Variants in COL5A2 observed in about 807,000 individuals in gnomAD.
The protein encoded by COL5A2 is collagen alpha-2(V) chain.
COL5A2 carries 23 observed loss-of-function variants against 208.2 expected under a neutral mutation model. The observed-to-expected ratio is 0.11, with a 90% CI of 0.08 to 0.16. The LOEUF is 0.16. Among genes scored for constraint, COL5A2 ranks in the 10% least tolerant of loss-of-function variants. The pLI, the probability that COL5A2 is intolerant of heterozygous loss-of-function variation, is 1.00. For missense variants in COL5A2, 1,590 were observed against 1,956.4 expected (o/e 0.81, Z 3.53); for synonymous variants, 625 against 628.5 (o/e 0.99, Z 0.08).
At chr2:189,270,594 T>A in the COL5A2 span, among the ~76,000 whole-genome samples, 1 of 152,280 alleles carries the variant, frequency 6.6e-6, no homozygotes, top group South Asian at 2.1e-4. Context: ...TGACAGACTG[T>A]TTGTTACGAC....
the COL5A2 span, among the ~76,000 whole-genome samples, chr2:189,273,088 A>G: frequency 6.6e-6 from 1 of 152,158 alleles, no homozygotes; most frequent in East Asian, 1.9e-4. Context: ...CTGATCCCTA[A>G]CAATATATGA....
chr2:189,147,575 T>C (rs1364451396), intron 1 of COL5A2, among the ~76,000 whole-genome samples: 1 of 152,146 alleles, frequency 6.6e-6, no homozygotes, highest in South Asian at 2.1e-4. Flanking sequence ...GAAGATTGAA[T>C]CACCATGGGA....
the COL5A2 span, among the ~76,000 whole-genome samples, chr2:189,337,221 C>T: frequency 3.5e-5 from 5 of 142,508 alleles, no homozygotes; most frequent in East Asian, 8.2e-4. Context: ...CTCGCTCTGT[C>T]GCCCAGGCTG....
At chr2:189,351,784 A>G in the COL5A2 span, among the ~76,000 whole-genome samples, 1 of 152,160 alleles carries the variant, frequency 6.6e-6, no homozygotes, top group South Asian at 2.1e-4. Context: ...CTAGATTCCA[A>G]AACCATGGAT....
rs77456219 is a variant in COL5A2, at chr2:189,064,662, C to T, written c.1618-7G>A. Reference sequence around the variant, plus strand: ...CCCGTTCTCCTTGAGCACCCTGTACCGAGGCAAAGCAGATGCATGAAGAAA... The same window carrying T: ...CCCGTTCTCCTTGAGCACCCTGTACTGAGGCAAAGCAGATGCATGAAGAAA... On this transcript the variant is annotated splice_polypyrimidine_tract_variant and splice_region_variant and intron_variant, in intron 24 of 53. Coordinates refer to ENST00000374866, the MANE Select transcript of COL5A2 (RefSeq NM_000393.5). 1.3e-5 allele frequency: 21 copies of T among 1,595,212 alleles called. No individual in the cohort carries two copies. The highest frequency in any genetic ancestry group is 3.3e-5 in the Admixed American group (2 of 59,916).
the COL5A2 span, among the ~76,000 whole-genome samples, chr2:189,393,885 T>C: frequency 6.6e-6 from 1 of 152,176 alleles, no homozygotes; most frequent in Non-Finnish European, 1.5e-5. Context: ...TTCGCCACAA[T>C]AGTTTCCAGC....
Position 189,057,397 on chromosome 2 carries a change from C to G in COL5A2, c.2260G>C (p.Asp754His). The G allele has an allele frequency of 6.2e-7, 1 of 1,611,062 alleles. No individual in the cohort carries two copies. Among genetic ancestry groups the G allele is most frequent in the Non-Finnish European group, 8.5e-7 (1 of 1,178,560 alleles). The change falls in exon 34 of 54, where the codon GAT (aspartate) becomes CAT (histidine). Residue 754 changes from aspartate (D) to histidine (H), a missense_variant. Asp to His is a moderately conservative substitution (Grantham distance 81). Coordinates refer to ENST00000374866, the MANE Select transcript of COL5A2 (RefSeq NM_000393.5). ...GSPGPSGTPG[D>H]TGPPGLQGMP... ...CCTTGAAGACCTGGTGGGCCTGTAT[C>G]TCCAGGGGTCCCAGATGGACCTGGA...
At chr2:189,313,956 G>C in the COL5A2 span, among the ~76,000 whole-genome samples, 1 of 152,132 alleles carries the variant, frequency 6.6e-6, no homozygotes, top group Non-Finnish European at 1.5e-5. Context: ...AGTTCTCAGA[G>C]ACCTTCAGAG....
At chr2:189,083,182 G>A (rs1387981141) in intron 12 of COL5A2, among the ~76,000 whole-genome samples, 3 of 152,124 alleles carry the variant, frequency 2.0e-5, no homozygotes, top group Non-Finnish European at 4.4e-5. Context: ...CAAGAAGTAG[G>A]AATGTTTGAA....
chr2:189,075,338 A>C, intron 17 of COL5A2, 55 bp downstream of exon 17: 2 of 1,290,006 alleles, frequency 1.6e-6, no homozygotes, highest in Non-Finnish European at 2.3e-6. Flanking sequence ...TGAATGTACA[A>C]ATGGAAGAAT....
chr2:189,249,287 T>C, the COL5A2 span, among the ~76,000 whole-genome samples: 1 of 152,278 alleles, frequency 6.6e-6, no homozygotes, highest in South Asian at 2.1e-4. Context: ...TTTTAAGCAA[T>C]GAACCTATCA....
intron 1 of COL5A2, among the ~76,000 whole-genome samples, chr2:189,196,921 A>G (rs1038705000): frequency 2.0e-5 from 3 of 152,192 alleles, no homozygotes; most frequent in Non-Finnish European, 4.4e-5. Context: ...CAGAAATACC[A>G]TTTGACCCAG....
Position 189,061,609 on chromosome 2 carries a change from C to T in COL5A2, c.1984G>A (p.Ala662Thr). The T allele has an allele frequency of 6.2e-7, 1 of 1,612,570 alleles. No individual in the cohort carries two copies. The highest frequency in any genetic ancestry group is 8.5e-7 in the Non-Finnish European group (1 of 1,178,850). The change falls in exon 30 of 54, where the codon GCT becomes ACT. Residue 662 changes from alanine (A) to threonine (T), a missense_variant. Coordinates refer to ENST00000374866, the MANE Select transcript of COL5A2 (RefSeq NM_000393.5). Reference sequence around the variant, plus strand: ...GGTCCTTGTTCTCCTCTTTCACCAGCTAGACCCTAAGTTGTGAAGGAGAAA... The same window carrying T: ...GGTCCTTGTTCTCCTCTTTCACCAGTTAGACCCTAAGTTGTGAAGGAGAAA... Reference protein sequence around the residue: ...PSGPVGPPGLAGERGEQGPPG... With the variant: ...PSGPVGPPGLTGERGEQGPPG...
the COL5A2 span, among the ~76,000 whole-genome samples, chr2:189,331,848 G>A: frequency 2.0e-5 from 3 of 151,904 alleles, no homozygotes; most frequent in African/African-American, 7.3e-5. Context: ...TACTCGGGAG[G>A]CCGGGGCAGG....
intron 17 of COL5A2, 81 bp downstream of exon 17, chr2:189,075,312 G>T: frequency 1.0e-6 from 1 of 991,218 alleles, no homozygotes; most frequent in Non-Finnish European, 1.6e-6. Flanking sequence ...TGTGGTGAGT[G>T]CTCTGTAAAT....
chr2:189,105,841 T>C (rs1328100595), intron 2 of COL5A2, among the ~76,000 whole-genome samples: 1 of 151,476 alleles, frequency 6.6e-6, no homozygotes, highest in Non-Finnish European at 1.5e-5. Context: ...AGAATATATT[T>C]TTATTATTCA....
intron 1 of COL5A2, among the ~76,000 whole-genome samples, chr2:189,222,613 C>T (rs1324885047): frequency 6.6e-6 from 1 of 152,044 alleles, no homozygotes; most frequent in Non-Finnish European, 1.5e-5. Context: ...CGGGTAATTT[C>T]CTTCTTAGGC....
chr2:189,063,408 C>T, intron 26 of COL5A2, 138 bp from the exon 27 acceptor site: 1 of 746,280 alleles, frequency 1.3e-6, no homozygotes, highest in Non-Finnish European at 2.3e-6. Flanking sequence ...AGAATCAGGA[C>T]AGTTGAATGG....
In COL5A2 at chr2:189,080,044, A is replaced by G; in HGVS notation, c.907-13T>C. 1 of 1,609,592 alleles carries G rather than the reference A, an allele frequency of 6.2e-7. No homozygotes were observed. Among genetic ancestry groups the G allele is most frequent in the South Asian group, 1.1e-5 (1 of 90,964 alleles). The stretch of plus-strand genomic sequence containing the variant: ...GACCTTTGTGTCCCTGAGAATAAAA[A>G]TGTAAATTTGTATTTGTATCCTGTT... On this transcript the variant is annotated splice_polypyrimidine_tract_variant and intron_variant, in intron 13 of 53. Coordinates refer to ENST00000374866, the MANE Select transcript of COL5A2 (RefSeq NM_000393.5).
Sources: gnomAD v4.1 joint callset for allele counts (sites outside exome capture counted in the v4.1 genomes callset) on GRCh38, gnomAD v4.1.1 for gene constraint, MANE v1.5 for transcripts, NCBI Gene and HGNC (gene_info 2026-07-23, HGNC 2026-07-21) for gene names.